DBN1: variants seen among roughly 807,000 people sequenced by gnomAD.
DBN1 encodes the protein drebrin.
DBN1 carries 21 observed loss-of-function variants against 83.5 expected under a neutral mutation model. That is an observed-to-expected ratio of 0.25 (90% confidence interval 0.18 to 0.36). DBN1 has a LOEUF of 0.36. Among genes scored for constraint, DBN1 ranks in the 10% least tolerant of loss-of-function variants. The pLI is 1.00. For synonymous variants in DBN1, 381 were observed against 384.9 expected (o/e 0.99, Z 0.12); for missense variants, 874 against 935.7 (o/e 0.93, Z 0.86).
chr5:177,472,098 C>G, intron 1 of DBN1: 1 of 1,598,834 alleles, frequency 6.3e-7, no homozygotes, highest in Non-Finnish European at 8.5e-7. Context: ...TGAGCCTGTG[C>G]CGGCCTCTCC....
intron 13 of DBN1, 92 bp from the exon 14 acceptor site, chr5:177,457,849 T>G (rs562864701): frequency 1.7e-4 from 190 of 1,102,796 alleles, no homozygotes; most frequent in African/African-American, 1.0e-3. Flanking sequence ...CAACCAATGA[T>G]TCCATCAGTG....
chr5:177,458,546 C>A lies in DBN1; in HGVS notation c.1426G>T (p.Ala476Ser). The A allele has an allele frequency of 2.5e-6, 4 of 1,614,172 alleles. No homozygotes were observed. Among genetic ancestry groups the A allele is most frequent in the Non-Finnish European group, 3.4e-6 (4 of 1,180,002 alleles). ...DLMFMESAEQ[A>S]VLAAPVEPAT... ...GGCTCCACGGGAGCAGCCAGGACAG[C>A]CTGCTCTGCAGACTCCATGAACATC... Residue 476 changes from alanine to serine, a missense_variant, in exon 13 of 15, where the codon GCT (alanine) becomes TCT (serine). Physicochemically the swap from Ala to Ser is moderately conservative, Grantham distance 99. Transcript: ENST00000393565.
Position 177,457,511 on chromosome 5 carries a change from G to A in DBN1, c.2018-8C>T, listed in dbSNP as rs753752817. ...AGCATGTGATGTCGATCTCTGTGGC[G>A]TTAGAAAGGGAGAGGAGTTAGGGAC... is the stretch of plus-strand genomic sequence containing the variant. On this transcript the variant is annotated splice_region_variant and splice_polypyrimidine_tract_variant and intron_variant, in intron 14 of 14. Coordinates refer to ENST00000393565, the MANE Select transcript of DBN1 (RefSeq NM_001363541.2). The A allele has an allele frequency of 3.7e-6, 6 of 1,613,672 alleles. No individual in the cohort carries two copies. The highest frequency in any genetic ancestry group is 1.3e-5 in the African/African-American group (1 of 75,068).
In DBN1 at chr5:177,457,360, C is replaced by A; in HGVS notation, c.*73G>T. 7.5e-7 allele frequency: 1 copy of A among 1,335,882 alleles called. No individual in the cohort carries two copies. The highest frequency in any genetic ancestry group is 1.1e-6 in the Non-Finnish European group (1 of 929,146). 82.8% of individuals were successfully genotyped at this position (1,335,882 alleles called of 1,614,324 possible). On this transcript the variant is annotated 3_prime_UTR_variant, in exon 15 of 15. Coordinates refer to ENST00000393565, the MANE Select transcript of DBN1 (RefSeq NM_001363541.2). Reference sequence around the variant, plus strand: ...GGCGGAGCTGCTGCGAATGCAGGCACGGCGGGCCGTCTGGCCAGAGGCTGA... The same window carrying A: ...GGCGGAGCTGCTGCGAATGCAGGCAAGGCGGGCCGTCTGGCCAGAGGCTGA...
In DBN1 at chr5:177,457,409, G is replaced by GCTA; in HGVS notation, c.*23_*24insTAG. On this transcript the variant is annotated 3_prime_UTR_variant, in exon 15 of 15. Coordinates refer to ENST00000393565, the MANE Select transcript of DBN1 (RefSeq NM_001363541.2). ...GATGCAGGTGGGCGGCCTTGGCAAG[G>GCTA]GTAGCCTAGGGCTGGCGCCACCGCT... 1 of 1,608,664 alleles carries GCTA rather than the reference G, an allele frequency of 6.2e-7. No individual in the cohort carries two copies. Among genetic ancestry groups the GCTA allele is most frequent in the Non-Finnish European group, 8.5e-7 (1 of 1,175,238 alleles).
rs1757458650 is a variant in DBN1, at chr5:177,466,633, A to C, written c.771+139T>G. On this transcript the variant is annotated intron_variant, in intron 8 of 14. Transcript: ENST00000393565. The surrounding 1 kb of genome is among the most constrained non-coding windows in gnomAD (Gnocchi z 4.8). The stretch of plus-strand genomic sequence containing the variant: ...GATGAGGTGCCAGGCCTCATGCTCC[A>C]TGGCACCCTGTGCCCATGCAGCTCC... 2 of 961,858 alleles carry C rather than the reference A, an allele frequency of 2.1e-6. No individual in the cohort carries two copies. The highest frequency in any genetic ancestry group is 2.7e-5 in the South Asian group (2 of 75,164). 59.6% of individuals were successfully genotyped at this position (961,858 alleles called of 1,614,324 possible). A position where few individuals can be genotyped will look rare whatever the true frequency, so the allele number is the denominator to read the frequency against.
rs772197027 is a variant in DBN1 at position 177,459,758 on chromosome 5, CAG to C, written c.956-20_956-19del. 1.6e-5 allele frequency: 24 copies of C among 1,474,068 alleles called. No homozygotes were observed. Among genetic ancestry groups the C allele is most frequent in the Non-Finnish European group, 1.9e-5 (21 of 1,108,038 alleles). The allele number at this position is 1,474,068 out of a possible 1,614,324, so 91.3% of individuals were successfully genotyped here. A position where few individuals can be genotyped will look rare whatever the true frequency, so the allele number is the denominator to read the frequency against. ...CGGACGACCTGCCGAGAGAGACAGA[CAG>C]AGAAAGAGACAGAGGACAAGAGAGG... On this transcript the variant is annotated intron_variant, in intron 10 of 14. Transcript: ENST00000393565.
In DBN1 at chr5:177,458,690, G is replaced by A. The variant is rs768558711; in HGVS notation, c.1282C>T (p.Pro428Ser). The change falls in exon 13 of 15, where the codon CCC becomes TCC. Residue 428 changes from proline (P) to serine (S), a missense_variant. Pro to Ser is a moderately conservative substitution (Grantham distance 74). Coordinates refer to ENST00000393565, the MANE Select transcript of DBN1 (RefSeq NM_001363541.2). ...CTGGTCTCCTCACTGTCTAGGATGG[G>A]GCTGGGCTCCTGGGTCTCTGTCACA... Reference protein sequence around the residue: ...PPAQETQEPSPILDSEETRAA... With the variant: ...PPAQETQEPSSILDSEETRAA... The A allele has an allele frequency of 7.2e-6, 11 of 1,530,582 alleles. No homozygotes were observed. The highest frequency in any genetic ancestry group is 9.6e-6 in the Non-Finnish European group (11 of 1,144,752). The allele number at this position is 1,530,582 out of a possible 1,614,324, so 94.8% of individuals were successfully genotyped here. A position where few individuals can be genotyped will look rare whatever the true frequency, so the allele number is the denominator to read the frequency against.
At chr5:177,464,112 T>G (rs191781426) in intron 8 of DBN1, among the ~76,000 whole-genome samples, 1 of 149,092 alleles carries the variant, frequency 6.7e-6, no homozygotes, top group Non-Finnish European at 1.5e-5. Flanking sequence ...TGAGACTTCA[T>G]CTTAAAAAAG....
At position 177,460,481 on chromosome 5, in the gene DBN1, C is replaced by T. The variant is rs371464366; in HGVS notation, c.906G>A (p.Ser302=). The change falls in exon 10 of 15, where the codon TCG becomes TCA. Residue 302 remains serine (S), a synonymous_variant. Coordinates refer to ENST00000393565, the MANE Select transcript of DBN1 (RefSeq NM_001363541.2). ...GTACATCACAGCTGCCCGCAGAGGC[C>T]GATGCGACTCTTTCCTGCTGCTTGA... The part of the protein sequence containing the change: ...EFFKQQERVA[S]ASAGSCDVPS... The T allele has an allele frequency of 2.9e-5, 47 of 1,613,960 alleles. No individual in the cohort carries two copies. In the Middle Eastern group the frequency reaches 6.6e-4, roughly 23 times the overall value.
At position 177,468,162 on chromosome 5, in the gene DBN1, G is replaced by A; in HGVS notation, c.201C>T (p.Phe67=). 4 of 1,614,154 alleles carry A rather than the reference G, an allele frequency of 2.5e-6. No individual in the cohort carries two copies. Among genetic ancestry groups the A allele is most frequent in the East Asian group, 2.2e-5 (1 of 44,882 alleles). ...CAGCTTGGGAGTCCTTGACACTGCAGAAGCCGTACATCACCTTCTGGTTCT... is the reference window on the plus strand; with the variant it reads ...CAGCTTGGGAGTCCTTGACACTGCAAAAGCCGTACATCACCTTCTGGTTCT... ...HFENQKVMYG[F]CSVKDSQAAL... is the part of the protein sequence containing the mutation. The change falls in exon 3 of 15, where the codon TTC becomes TTT. Residue 67 remains phenylalanine (F), a synonymous_variant. Transcript: ENST00000393565.
chr5:177,465,592 ACGTCTATAAT>A (rs904684759), intron 8 of DBN1, among the ~76,000 whole-genome samples: 2 of 152,190 alleles, frequency 1.3e-5, no homozygotes, highest in African/African-American at 2.4e-5. Flanking sequence ...GCGGTGGCTC[ACGTCTATAAT>A]CCCAGCACTT....
intron 1 of DBN1, among the ~76,000 whole-genome samples, chr5:177,470,639 G>C (rs535029955): frequency 6.6e-6 from 1 of 152,302 alleles, no homozygotes; most frequent in African/African-American, 2.4e-5. Context: ...CTCTGCCTAT[G>C]TAGTTCTCTT....
chr5:177,469,016 C>T, intron 1 of DBN1, 117 bp from the exon 2 acceptor site: 1 of 548,202 alleles, frequency 1.8e-6, no homozygotes, highest in Non-Finnish European at 3.0e-6. Flanking sequence ...ACGGGGAGGG[C>T]TCCTGCTGTA....
At position 177,466,319 on chromosome 5, in the gene DBN1, C is replaced by G. The variant is rs535125536; in HGVS notation, c.771+453G>C. Among the ~76,000 whole-genome samples, 9 of 152,366 alleles carry G rather than the reference C, an allele frequency of 5.9e-5. No individual in the cohort carries two copies. The South Asian group carries it at 1.9e-3, about 32-fold the overall frequency. ...CATTCCCAATGTGTGGAGATTCAGA[C>G]AGTACCCCTGGAACAAAGGGGCTGC... On this transcript the variant is annotated intron_variant, in intron 8 of 14. Transcript: ENST00000393565. The surrounding 1 kb of genome is among the most constrained non-coding windows in gnomAD (Gnocchi z 4.8).
rs1252147522 is a variant in DBN1 at position 177,466,422 on chromosome 5, C to T, written c.771+350G>A. 1.3e-5 allele frequency among the ~76,000 whole-genome samples: 2 copies of T among 152,174 alleles called. No individual in the cohort carries two copies. The highest frequency in any genetic ancestry group is 1.3e-4 in the Admixed American group (2 of 15,292). On this transcript the variant is annotated intron_variant, in intron 8 of 14. Coordinates refer to ENST00000393565, the MANE Select transcript of DBN1 (RefSeq NM_001363541.2). The surrounding 1 kb of genome is among the most constrained non-coding windows in gnomAD (Gnocchi z 4.8). Reference sequence around the variant, plus strand: ...CAGCACTGGCCCAGGCTCACCCATGCCGCCTGCCTCACTCCTGTGGCCCCT... The same window carrying T: ...CAGCACTGGCCCAGGCTCACCCATGTCGCCTGCCTCACTCCTGTGGCCCCT...
chr5:177,473,180 C>T (rs28495019), intron 1 of DBN1: 61,766 of 151,994 alleles, frequency 0.41, 14,187 homozygotes, highest in Non-Finnish European at 0.53. Context: ...CCCGCGCCTC[C>T]GGGCCGCGTC....
At chr5:177,462,243 G>A in intron 8 of DBN1, 1 of 984,866 alleles carries the variant, frequency 1.0e-6, no homozygotes, top group Non-Finnish European at 1.2e-6. Flanking sequence ...GTGAGATGTA[G>A]ACATCAAGTC....
intron 1 of DBN1, among the ~76,000 whole-genome samples, chr5:177,471,070 C>A (rs1223225090): frequency 6.6e-6 from 1 of 152,124 alleles, no homozygotes; most frequent in Non-Finnish European, 1.5e-5. Context: ...ACTCAAAAGC[C>A]ATCTAGCCAG....
Sources: gnomAD v4.1 joint callset for allele counts (sites outside exome capture counted in the v4.1 genomes callset) on GRCh38, gnomAD v4.1.1 for gene constraint, Gnocchi (gnomAD v3.1) non-coding constraint, MANE v1.5 for transcripts, NCBI Gene and HGNC (gene_info 2026-07-23, HGNC 2026-07-21) for gene names.